WDPCP: variants seen among roughly 807,000 people sequenced by gnomAD.
WDPCP encodes the protein WD repeat containing planar cell polarity effector.
In WDPCP, 71 loss-of-function variants were observed where a neutral mutation model predicts 93.1. The observed-to-expected ratio is 0.76, with a 90% CI of 0.63 to 0.93. The LOEUF (loss-of-function observed/expected upper bound fraction) is 0.93. Among genes scored for constraint, WDPCP ranks in the 40% least tolerant of loss-of-function variants. The pLI is 0.00. For missense variants in WDPCP, 844 were observed against 887.4 expected (o/e 0.95, Z 0.62); for synonymous variants, 315 against 315.0 (o/e 1.00, Z 0.00).
chr2:63,679,916 A>G (rs184752549), intron 2 of WDPCP, among the ~76,000 whole-genome samples: 1,783 of 152,330 alleles, frequency 0.012, 14 homozygotes, highest in Non-Finnish European at 0.014. Flanking sequence ...TGCTTGAGAA[A>G]GGCCTAAAGC....
intron 3 of WDPCP, chr2:63,607,023 A>G (rs1014407588): frequency 6.3e-7 from 1 of 1,585,316 alleles, no homozygotes; most frequent in Non-Finnish European, 8.6e-7. Flanking sequence ...TCAAAGCTGA[A>G]GAATCTAAAT....
chr2:63,187,706 A>G (rs891333245), intron 14 of WDPCP, among the ~76,000 whole-genome samples: 2 of 152,132 alleles, frequency 1.3e-5, no homozygotes, highest in African/African-American at 4.8e-5. Context: ...TCTGTGATTT[A>G]CTCATTTAGA....
At chr2:63,364,030 A>G (rs1575233622) in intron 12 of WDPCP, among the ~76,000 whole-genome samples, 1 of 152,304 alleles carries the variant, frequency 6.6e-6, no homozygotes, top group South Asian at 2.1e-4. Context: ...CACCTCCGGC[A>G]ACACAGCAAG....
chr2:63,333,505 GCTAT>G (rs1558482798), intron 12 of WDPCP, among the ~76,000 whole-genome samples: 2 of 152,106 alleles, frequency 1.3e-5, no homozygotes, highest in African/African-American at 4.8e-5. Flanking sequence ...TCTGAAGTCC[GCTAT>G]CTGAGAGCTT....
chr2:63,578,131 C>A (rs2106531395), intron 1 of WDPCP, among the ~76,000 whole-genome samples: 1 of 152,102 alleles, frequency 6.6e-6, no homozygotes, highest in East Asian at 1.9e-4. Flanking sequence ...CTTAATCAGG[C>A]CAAATTAATA....
chr2:63,809,721 G>A (rs866226782), intron 2 of WDPCP, among the ~76,000 whole-genome samples: 6 of 151,878 alleles, frequency 4.0e-5, no homozygotes, highest in East Asian at 1.9e-4. Context: ...CAGCATGCTC[G>A]TTAAGAGTCA....
intron 1 of WDPCP, among the ~76,000 whole-genome samples, chr2:63,541,633 C>T (rs1178731813): frequency 6.6e-6 from 1 of 152,054 alleles, no homozygotes; most frequent in Non-Finnish European, 1.5e-5. Flanking sequence ...CCCTTATTTC[C>T]CCCTTCTCTT....
intron 12 of WDPCP, among the ~76,000 whole-genome samples, chr2:63,332,425 C>T (rs1336323137): frequency 1.3e-5 from 2 of 152,016 alleles, no homozygotes; most frequent in Non-Finnish European, 2.9e-5. Flanking sequence ...TTTTATCCTT[C>T]TAATGGTTCC....
At chr2:63,415,562 A>G (rs1469231577) in intron 9 of WDPCP, among the ~76,000 whole-genome samples, 1 of 152,210 alleles carries the variant, frequency 6.6e-6, no homozygotes, top group Non-Finnish European at 1.5e-5. Context: ...GATGGTATAA[A>G]TTGCACCTGG....
At position 63,802,543 on chromosome 2, in the gene WDPCP, C is replaced by T. The variant is rs531870730; in HGVS notation, n.308+11079G>A. ...AACTACCTTGCTGGATTTTTTCTAG[C>T]TGTGACTGAAAGTAAAAAAATTGTG... is the stretch of plus-strand genomic sequence containing the variant. On this transcript the variant is annotated intron_variant and non_coding_transcript_variant, in intron 2 of 4. Coordinates refer to the WDPCP transcript ENST00000467687. Among the ~76,000 whole-genome samples the T allele has an allele frequency of 2.0e-4, 31 of 152,182 alleles. No homozygotes were observed. The East Asian group carries it at 4.3e-3, about 21-fold the overall frequency.
intron 2 of WDPCP, among the ~76,000 whole-genome samples, chr2:63,677,622 C>G (rs1710440108): frequency 6.6e-6 from 1 of 152,118 alleles, no homozygotes; most frequent in Non-Finnish European, 1.5e-5. Flanking sequence ...GAATTCCTAA[C>G]AGAAATAGGA....
At chr2:63,523,467 G>C (rs1308625716) in intron 1 of WDPCP, among the ~76,000 whole-genome samples, 1 of 152,148 alleles carries the variant, frequency 6.6e-6, no homozygotes, top group Non-Finnish European at 1.5e-5. Flanking sequence ...AATCAGACAA[G>C]AGAAAGAAAT....
At chr2:63,358,979 C>T (rs1489599176) in intron 12 of WDPCP, among the ~76,000 whole-genome samples, 1 of 152,128 alleles carries the variant, frequency 6.6e-6, no homozygotes, top group African/African-American at 2.4e-5. Context: ...TCATTTTCTT[C>T]CCTGGATCCA....
chr2:63,230,457 T>C (rs1299290145), intron 14 of WDPCP, among the ~76,000 whole-genome samples: 1 of 152,190 alleles, frequency 6.6e-6, no homozygotes, highest in Non-Finnish European at 1.5e-5. Flanking sequence ...TGCCCAGTAA[T>C]GGGATGGCTG....
At chr2:63,325,871 C>G (rs1469052229) in intron 12 of WDPCP, among the ~76,000 whole-genome samples, 1 of 152,212 alleles carries the variant, frequency 6.6e-6, no homozygotes, top group African/African-American at 2.4e-5. Context: ...GACAAAACTT[C>G]TCTTTATATG....
At chr2:63,428,982 G>C (rs902120498) in intron 9 of WDPCP, among the ~76,000 whole-genome samples, 1 of 151,994 alleles carries the variant, frequency 6.6e-6, no homozygotes, top group Non-Finnish European at 1.5e-5. Flanking sequence ...GCAACCTAGA[G>C]ATGGAACAGA....
At chr2:63,404,727 A>T in intron 9 of WDPCP, 70 bp from the exon 10 acceptor site, 1 of 1,577,502 alleles carries the variant, frequency 6.3e-7, no homozygotes, top group Non-Finnish European at 8.6e-7. Context: ...CTAGGACTGC[A>T]TATTTATTCA....
chr2:63,394,032 C>T (rs538917744), intron 10 of WDPCP, among the ~76,000 whole-genome samples: 14 of 152,190 alleles, frequency 9.2e-5, no homozygotes, highest in African/African-American at 1.2e-4. Flanking sequence ...ATGACAAAGG[C>T]GCCAAAAACA....
intron 2 of WDPCP, among the ~76,000 whole-genome samples, chr2:63,491,380 T>C (rs1279283277): frequency 6.6e-6 from 1 of 152,190 alleles, no homozygotes; most frequent in Non-Finnish European, 1.5e-5. Context: ...TGTACACACA[T>C]AGAGCTTGCC....
Sources: allele counts gnomAD v4.1 joint callset (sites outside exome capture counted in the v4.1 genomes callset), GRCh38; gene constraint gnomAD v4.1.1; transcripts MANE v1.5; gene names NCBI Gene and HGNC (gene_info 2026-07-23, HGNC 2026-07-21).